Variants in VAV2 observed in about 807,000 individuals in gnomAD.
VAV2 encodes the protein guanine nucleotide exchange factor VAV2.
In VAV2, 67 loss-of-function variants were observed where a neutral mutation model predicts 132.5. The ratio of observed to expected loss-of-function variants is 0.51; its 90% CI spans 0.42 to 0.62. The LOEUF (loss-of-function observed/expected upper bound fraction) is 0.62, where lower values mean the gene tolerates loss of function less well. VAV2 is among the 20% of genes least tolerant of loss of function. The pLI, the probability that VAV2 is intolerant of heterozygous loss-of-function variation, is 0.00. For missense variants in VAV2, 938 were observed against 1,153.6 expected, an observed-to-expected ratio of 0.81 and a Z score of 2.71; for synonymous variants, 492 against 443.5, an observed-to-expected ratio of 1.11 and a Z score of -1.37.
chr9:133,905,828 A>G (rs990706242), intron 2 of VAV2, among the ~76,000 whole-genome samples: 3 of 151,992 alleles, frequency 2.0e-5, no homozygotes, highest in South Asian at 2.1e-4. Flanking sequence ...CTTGAGCCCA[A>G]GAGTTCAAGA....
At chr9:133,931,928 G>A (rs73552591) in intron 2 of VAV2, among the ~76,000 whole-genome samples, 2,084 of 152,292 alleles carry the variant, frequency 0.014, 42 homozygotes, top group African/African-American at 0.046. Context: ...GATAACACAG[G>A]CGACACCACG....
At chr9:133,897,498 G>A (rs1452981975) in intron 2 of VAV2, among the ~76,000 whole-genome samples, 1 of 152,082 alleles carries the variant, frequency 6.6e-6, no homozygotes, top group Non-Finnish European at 1.5e-5. Flanking sequence ...CTCCTTGAAC[G>A]AAACTGGGTC....
intron 3 of VAV2, among the ~76,000 whole-genome samples, chr9:133,848,195 G>C (rs1417711031): frequency 1.3e-5 from 2 of 150,924 alleles, no homozygotes; most frequent in Middle Eastern, 3.2e-3. Context: ...CAGGAGAATG[G>C]CGTGAACCCA....
At chr9:133,945,412 T>A (rs1841323910) in intron 1 of VAV2, among the ~76,000 whole-genome samples, 1 of 152,112 alleles carries the variant, frequency 6.6e-6, no homozygotes, top group Non-Finnish European at 1.5e-5. Context: ...GATCGGCACA[T>A]AATAACTAAC....
chr9:133,777,166 G>A (rs1221017088), intron 23 of VAV2, among the ~76,000 whole-genome samples: 2 of 152,046 alleles, frequency 1.3e-5, no homozygotes, highest in Non-Finnish European at 1.5e-5. Context: ...ACAACGAAAC[G>A]ACACCCGATC....
chr9:133,775,701 G>A (rs752685005), intron 24 of VAV2, among the ~76,000 whole-genome samples: 1 of 140,180 alleles, frequency 7.1e-6, no homozygotes, highest in Non-Finnish European at 1.6e-5. Flanking sequence ...GATTACACCT[G>A]TGACCTCAAA....
Position 133,802,356 on chromosome 9 carries a change from G to A in VAV2, c.836+3725C>T, listed in dbSNP as rs892893846. Reference sequence around the variant, plus strand: ...CACACACACACACACACACACACACGACTTCATGCATTCCTGGTCTGGTTG... The same window carrying A: ...CACACACACACACACACACACACACAACTTCATGCATTCCTGGTCTGGTTG... On this transcript the variant is annotated intron_variant, in intron 9 of 29. Transcript: ENST00000371850. The surrounding 1 kb of genome is among the most constrained non-coding windows in gnomAD (Gnocchi z 5.8). Among the ~76,000 whole-genome samples the A allele has an allele frequency of 4.4e-5, 4 of 90,752 alleles. No individual in the cohort carries two copies. Among genetic ancestry groups the A allele is most frequent in the Non-Finnish European group, 5.0e-5 (2 of 39,666 alleles). The allele number at this position is 90,752 out of a possible 152,430, so 59.5% of individuals were successfully genotyped here.
intron 4 of VAV2, among the ~76,000 whole-genome samples, chr9:133,832,047 G>A (rs1836284236): frequency 3.3e-5 from 5 of 152,238 alleles, no homozygotes; most frequent in African/African-American, 9.6e-5. Context: ...CACTGTTGCT[G>A]TCATTGTCCT....
At chr9:133,807,547 CG>C (rs1564366805) in intron 7 of VAV2, among the ~76,000 whole-genome samples, 1 of 152,182 alleles carries the variant, frequency 6.6e-6, no homozygotes, top group African/African-American at 2.4e-5. Context: ...CCCAGCGTGA[CG>C]GGGGCAGAGT....
Position 133,939,723 on chromosome 9 carries a change from C to T in VAV2, c.205-504G>A, listed in dbSNP as rs551127802. ...ATGCTCACGTGGGCACGTGCACAGGCGTGCGTACATACACGAGGCTTCTGA... is the reference window on the plus strand; with the variant it reads ...ATGCTCACGTGGGCACGTGCACAGGTGTGCGTACATACACGAGGCTTCTGA... On this transcript the variant is annotated intron_variant, in intron 1 of 29. Coordinates refer to ENST00000371850, the MANE Select transcript of VAV2 (RefSeq NM_001134398.2). Among the ~76,000 whole-genome samples the T allele has an allele frequency of 6.6e-5, 10 of 152,376 alleles. No individual in the cohort carries two copies. The South Asian group carries it at 2.1e-3, about 32-fold the overall frequency.
At position 133,789,412 on chromosome 9, in the gene VAV2, G is replaced by A. The variant is rs902805969; in HGVS notation, c.1189-69C>T. On this transcript the variant is annotated intron_variant, in intron 13 of 29. Coordinates refer to ENST00000371850, the MANE Select transcript of VAV2 (RefSeq NM_001134398.2). ...CCAGTTCTCCTGACCGCACGGGCAG[G>A]GCAGACTGTCGTGCACCCAAGGGAA... 8 of 1,509,658 alleles carry A rather than the reference G, an allele frequency of 5.3e-6. No homozygotes were observed. The Admixed American group carries it at 6.7e-5, about 13-fold the overall frequency. The allele number at this position is 1,509,658 out of a possible 1,614,324, so 93.5% of individuals were successfully genotyped here. A position where few individuals can be genotyped will look rare whatever the true frequency, so the allele number is the denominator to read the frequency against.
chr9:133,865,341 C>A (rs1272197322), intron 2 of VAV2, among the ~76,000 whole-genome samples: 2 of 152,224 alleles, frequency 1.3e-5, no homozygotes, highest in Non-Finnish European at 2.9e-5. Flanking sequence ...TCCCAGTCTC[C>A]ACTGCCCCTT....
intron 5 of VAV2, among the ~76,000 whole-genome samples, chr9:133,811,784 G>A (rs1835367474): frequency 6.6e-6 from 1 of 152,256 alleles, no homozygotes; most frequent in Admixed American, 6.5e-5. Flanking sequence ...TGAGGGGCCT[G>A]CAAGCCCTTG....
chr9:133,930,543 G>A (rs1286317004), intron 2 of VAV2, among the ~76,000 whole-genome samples: 3 of 152,276 alleles, frequency 2.0e-5, no homozygotes, highest in Non-Finnish European at 2.9e-5. Flanking sequence ...GCGTGCAACA[G>A]CTGCCTTGCT....
chr9:133,922,836 GA>G (rs1207230760), intron 2 of VAV2, among the ~76,000 whole-genome samples: 3 of 152,114 alleles, frequency 2.0e-5, no homozygotes, highest in Non-Finnish European at 4.4e-5. Flanking sequence ...CAACAAAAAC[GA>G]AAACAGACAA....
In VAV2 at chr9:133,917,670, CG is replaced by C. The variant is rs765965718; in HGVS notation, c.321+21432del. Among the ~76,000 whole-genome samples the C allele has an allele frequency of 1.4e-3, 207 of 152,266 alleles. 1 individual carries two copies. The highest frequency in any genetic ancestry group is 1.6e-3 in the Non-Finnish European group (110 of 68,018). On this transcript the variant is annotated intron_variant, in intron 2 of 29. Coordinates refer to ENST00000371850, the MANE Select transcript of VAV2 (RefSeq NM_001134398.2). ...AGAGTGCCATCCTCCCCTTTATTGACGGGGAAACCAAGGCTTAGGGAGGAAA... is the reference window on the plus strand; with the variant it reads ...AGAGTGCCATCCTCCCCTTTATTGACGGGAAACCAAGGCTTAGGGAGGAAA...
At chr9:133,874,097 G>C (rs1036746944) in intron 2 of VAV2, among the ~76,000 whole-genome samples, 18 of 152,232 alleles carry the variant, frequency 1.2e-4, no homozygotes, top group African/African-American at 3.6e-4. Flanking sequence ...TGGCAGCAGA[G>C]CCCGGCTCTC....
intron 21 of VAV2, 109 bp downstream of exon 21, chr9:133,779,809 C>T (rs562597599): frequency 1.2e-5 from 17 of 1,439,618 alleles, no homozygotes; most frequent in South Asian, 6.7e-5. Context: ...GAGCCTGGAG[C>T]GTCTGGTGGC....
intron 1 of VAV2, among the ~76,000 whole-genome samples, chr9:133,959,129 C>T (rs1206012045): frequency 6.6e-6 from 1 of 152,222 alleles, no homozygotes; most frequent in Non-Finnish European, 1.5e-5. Context: ...TCCATGCTGA[C>T]AGCTACTGAA....
Sources: allele counts gnomAD v4.1 joint callset (sites outside exome capture counted in the v4.1 genomes callset), GRCh38; gene constraint gnomAD v4.1.1; non-coding constraint Gnocchi (gnomAD v3.1); transcripts MANE v1.5; gene names NCBI Gene and HGNC (gene_info 2026-07-23, HGNC 2026-07-21).